Variants in RNF217 observed in about 807,000 individuals in gnomAD.
RNF217 encodes ring finger protein 217.
In RNF217, 31 loss-of-function variants were observed where a neutral mutation model predicts 57.8. The observed-to-expected ratio is 0.54, with a 90% CI of 0.40 to 0.72. The LOEUF (loss-of-function observed/expected upper bound fraction) is 0.72, where lower values mean the gene tolerates loss of function less well. RNF217 is among the 30% of genes least tolerant of loss of function. The pLI is 0.00. For missense variants in RNF217, 696 were observed against 708.3 expected (o/e 0.98, Z 0.20); for synonymous variants, 313 against 294.0 (o/e 1.06, Z -0.66).
intron 1 of RNF217, among the ~76,000 whole-genome samples, chr6:124,999,320 C>A (rs1784880216): frequency 6.6e-6 from 1 of 152,228 alleles, no homozygotes; most frequent in South Asian, 2.1e-4. Context: ...GGATTCATTT[C>A]TTCCTTAGCT....
chr6:125,013,859 A>G (rs551930858), intron 1 of RNF217, among the ~76,000 whole-genome samples: 16 of 152,344 alleles, frequency 1.1e-4, no homozygotes, highest in Non-Finnish European at 7.4e-5. Context: ...GGCAAAGGAC[A>G]TGTAACAGCA....
intron 1 of RNF217, among the ~76,000 whole-genome samples, chr6:124,982,516 A>G (rs1377076321): frequency 1.3e-5 from 2 of 152,118 alleles, no homozygotes; most frequent in Non-Finnish European, 2.9e-5. Context: ...TCTGTAGTCT[A>G]ATCCCCACCC....
At position 125,092,398 on chromosome 6, in the gene RNF217, A is replaced by C. The variant is rs1459865780; in HGVS notation, c.*9461A>C. 1 of 152,170 alleles carries C rather than the reference A, an allele frequency of 6.6e-6. No homozygotes were observed. Among genetic ancestry groups the C allele is most frequent in the African/African-American group, 2.4e-5 (1 of 41,450 alleles). The allele number at this position is 152,170 out of a possible 1,614,324, so 9.4% of individuals were successfully genotyped here. On this transcript the variant is annotated 3_prime_UTR_variant, in exon 6 of 6. Coordinates refer to ENST00000521654, the MANE Select transcript of RNF217 (RefSeq NM_001286398.3). ...TGTGGTTGGGCTTTTATAAAAAATT[A>C]TTTTCGGTTGGTTGTTGTAGAATGG...
At chr6:124,987,388 A>G (rs959132325) in intron 1 of RNF217, among the ~76,000 whole-genome samples, 2 of 152,094 alleles carry the variant, frequency 1.3e-5, no homozygotes, top group African/African-American at 4.8e-5. Flanking sequence ...CCCTCACCCC[A>G]GGCCTCCTAT....
intron 1 of RNF217, among the ~76,000 whole-genome samples, chr6:124,978,589 T>A (rs1429803473): frequency 6.6e-6 from 1 of 152,086 alleles, no homozygotes; most frequent in Non-Finnish European, 1.5e-5. Context: ...AGTGGGAACG[T>A]GTTACAGCTT....
chr6:125,052,617 G>C (rs1189966477), intron 2 of RNF217, among the ~76,000 whole-genome samples: 4 of 151,966 alleles, frequency 2.6e-5, no homozygotes, highest in Admixed American at 6.6e-5. Flanking sequence ...TCTTTCCATT[G>C]CCACCATCTG....
intron 1 of RNF217, among the ~76,000 whole-genome samples, chr6:124,970,223 T>A (rs1783713300): frequency 6.6e-6 from 1 of 152,192 alleles, no homozygotes; most frequent in Admixed American, 6.5e-5. Flanking sequence ...TTACTCCATC[T>A]CTTTGTGGAA....
chr6:124,977,610 A>G (rs1784013726), intron 1 of RNF217, among the ~76,000 whole-genome samples: 1 of 152,168 alleles, frequency 6.6e-6, no homozygotes, highest in South Asian at 2.1e-4. Flanking sequence ...AATGGATTTG[A>G]CAGAGCTCTG....
chr6:125,011,424 T>G (rs1449677162), intron 1 of RNF217, among the ~76,000 whole-genome samples: 1 of 152,174 alleles, frequency 6.6e-6, no homozygotes, highest in Non-Finnish European at 1.5e-5. Context: ...AATCACTTAT[T>G]GGGCCAGATA....
intron 2 of RNF217, among the ~76,000 whole-genome samples, chr6:125,049,555 C>G (rs1048815233): frequency 6.6e-6 from 1 of 152,026 alleles, no homozygotes; most frequent in African/African-American, 2.4e-5. Flanking sequence ...CACACTAGCT[C>G]TGTCACCTTG....
rs1355896445 is a variant in RNF217, at chr6:125,085,140, T to C, written c.*2203T>C. 1 of 151,960 alleles carries C rather than the reference T, an allele frequency of 6.6e-6. No individual in the cohort carries two copies. Among genetic ancestry groups the C allele is most frequent in the Non-Finnish European group, 1.5e-5 (1 of 67,854 alleles). 9.4% of individuals were successfully genotyped at this position (151,960 alleles called of 1,614,324 possible). Reference sequence around the variant, plus strand: ...CTCTTTTGTCTTGGATAATCTGTTTTCTGGGTTATGTATCTGTTGTCTTTG... The same window carrying C: ...CTCTTTTGTCTTGGATAATCTGTTTCCTGGGTTATGTATCTGTTGTCTTTG... On this transcript the variant is annotated 3_prime_UTR_variant, in exon 6 of 6. Coordinates refer to ENST00000521654, the MANE Select transcript of RNF217 (RefSeq NM_001286398.3).
chr6:125,045,107 C>A, intron 1 of RNF217, 104 bp from the exon 2 acceptor site: 1 of 699,058 alleles, frequency 1.4e-6, no homozygotes, highest in Non-Finnish European at 2.4e-6. Flanking sequence ...TACACACAAT[C>A]CTTTATTGCG....
intron 1 of RNF217, among the ~76,000 whole-genome samples, chr6:125,020,712 A>T (rs752926966): frequency 6.6e-6 from 1 of 152,228 alleles, no homozygotes; most frequent in Non-Finnish European, 1.5e-5. Flanking sequence ...ATAGAATATT[A>T]TATAATCTCC....
At chr6:125,011,063 G>T (rs1444741291) in intron 1 of RNF217, among the ~76,000 whole-genome samples, 1 of 152,160 alleles carries the variant, frequency 6.6e-6, no homozygotes, top group African/African-American at 2.4e-5. Context: ...CGTTTTGAAG[G>T]TAGTATGGTG....
intron 3 of RNF217, among the ~76,000 whole-genome samples, chr6:125,059,716 A>G (rs1787659508): frequency 6.6e-6 from 1 of 152,214 alleles, no homozygotes; most frequent in Non-Finnish European, 1.5e-5. Context: ...AAGAAAAAGA[A>G]GCCGACCATG....
Position 124,962,755 on chromosome 6 carries a change from A to G in RNF217, c.211A>G (p.Arg71Gly). Residue 71 changes from arginine (R) to glycine (G), a missense_variant, in exon 1 of 6, where the codon AGG becomes GGG. This residue lies in a region of RNF217 where 465 missense variants were observed against 386.8 expected (regional missense o/e 1.20). Transcript: ENST00000521654. This position sits in a 1 kb window ranked among gnomAD's most constrained non-coding sequence, Gnocchi z 4.6. ...CADTSAPEPA[R>G]SLGPPGWSKS... ...GGACACCAGCGCCCCAGAGCCCGCG[A>G]GGAGCCTGGGGCCCCCGGGCTGGAG... 1 of 1,590,250 alleles carries G rather than the reference A, an allele frequency of 6.3e-7. No individual in the cohort carries two copies. Among genetic ancestry groups the G allele is most frequent in the Non-Finnish European group, 8.5e-7 (1 of 1,176,876 alleles).
chr6:125,036,539 A>T (rs1390235255), intron 1 of RNF217, among the ~76,000 whole-genome samples: 1 of 152,194 alleles, frequency 6.6e-6, no homozygotes, highest in African/African-American at 2.4e-5. Context: ...AATTAAACTA[A>T]AGAGCTTCTG....
chr6:124,962,473 C>G lies in RNF217; in HGVS notation c.-72C>G, dbSNP rs1783314430. ...CGCGAGTCGAGCCGAGCCACTGCCC[C>G]CGCTGCCCGCGGGCGCCGGGTGGGG... is the stretch of plus-strand genomic sequence containing the variant. On this transcript the variant is annotated 5_prime_UTR_variant, in exon 1 of 6. Coordinates refer to ENST00000521654, the MANE Select transcript of RNF217 (RefSeq NM_001286398.3). The surrounding 1 kb of genome is among the most constrained non-coding windows in gnomAD (Gnocchi z 4.6). 1 of 707,864 alleles carries G rather than the reference C, an allele frequency of 1.4e-6. No individual in the cohort carries two copies. Among genetic ancestry groups the G allele is most frequent in the Middle Eastern group, 5.6e-4 (1 of 1,780 alleles). 43.8% of individuals were successfully genotyped at this position (707,864 alleles called of 1,614,324 possible). A position where few individuals can be genotyped will look rare whatever the true frequency, so the allele number is the denominator to read the frequency against.
Position 125,089,747 on chromosome 6 carries a change from T to A in RNF217, c.*6810T>A, listed in dbSNP as rs551600997. The A allele has an allele frequency of 6.6e-6, 1 of 152,262 alleles. No homozygotes were observed. The highest frequency in any genetic ancestry group is 6.5e-5 in the Admixed American group (1 of 15,286). 9.4% of individuals were successfully genotyped at this position (152,262 alleles called of 1,614,324 possible). A position where few individuals can be genotyped will look rare whatever the true frequency, so the allele number is the denominator to read the frequency against. ...GCTGGCAAGCTATGCTGTCATTGGT[T>A]CTCTGCGAATCTGTGATGTGTTCAC... On this transcript the variant is annotated 3_prime_UTR_variant, in exon 6 of 6. Transcript: ENST00000521654.
Sources: allele counts gnomAD v4.1 joint callset (sites outside exome capture counted in the v4.1 genomes callset), GRCh38; gene constraint gnomAD v4.1.1; regional missense constraint gnomAD v4.1.1; non-coding constraint Gnocchi (gnomAD v3.1); transcripts MANE v1.5; gene names NCBI Gene and HGNC (gene_info 2026-07-23, HGNC 2026-07-21).